IGFL4: variants seen among roughly 807,000 people sequenced by gnomAD.
IGFL4 encodes the protein insulin growth factor-like family member 4.
In IGFL4, 12 loss-of-function variants were observed where a neutral mutation model predicts 15.4. The ratio of observed to expected loss-of-function variants is 0.78; its 90% confidence interval spans 0.50 to 1.26. The LOEUF (loss-of-function observed/expected upper bound fraction) is 1.26, where lower values mean the gene tolerates loss of function less well. IGFL4 is among the 50% of genes most tolerant of loss of function. The probability of loss-of-function intolerance (pLI) is 0.00; values close to 1 mark genes in which losing one functional copy is unlikely to be tolerated. For missense variants in IGFL4, 126 were observed against 147.8 expected, an observed-to-expected ratio of 0.85 and a Z score of 0.76; for synonymous variants, 54 against 55.9, an observed-to-expected ratio of 0.97 and a Z score of 0.16.
Position 46,039,820 on chromosome 19 carries a change from CA to C in IGFL4, c.*71del. 7.5e-7 allele frequency: 1 copy of C among 1,335,580 alleles called. No homozygotes were observed. Among genetic ancestry groups the C allele is most frequent in the Admixed American group, 1.7e-5 (1 of 59,550 alleles). 82.7% of individuals were successfully genotyped at this position (1,335,580 alleles called of 1,614,324 possible). On this transcript the variant is annotated 3_prime_UTR_variant, in exon 4 of 4. Coordinates refer to ENST00000377697, the MANE Select transcript of IGFL4 (RefSeq NM_001002923.3). Reference sequence around the variant, plus strand: ...GAGTGAAACTCTGTCACAACAACAACAAAATCAATGCAGTATAATTACCAAG... The same window carrying C: ...GAGTGAAACTCTGTCACAACAACAACAAATCAATGCAGTATAATTACCAAG...
At chr19:46,055,417 A>G (rs909393525) in intron 2 of IGFL4, among the ~76,000 whole-genome samples, 1 of 152,110 alleles carries the variant, frequency 6.6e-6, no homozygotes, top group Non-Finnish European at 1.5e-5. Flanking sequence ...TTGATCTATC[A>G]TTGCATGTTT....
At chr19:46,073,274 C>G (rs1969563612) in intron 1 of IGFL4, among the ~76,000 whole-genome samples, 1 of 152,164 alleles carries the variant, frequency 6.6e-6, no homozygotes, top group Non-Finnish European at 1.5e-5. Flanking sequence ...AAAATACTAT[C>G]ATGATAGTGA....
At chr19:46,066,729 A>G (rs1007971405) in intron 1 of IGFL4, among the ~76,000 whole-genome samples, 1 of 152,084 alleles carries the variant, frequency 6.6e-6, no homozygotes, top group East Asian at 1.9e-4. Flanking sequence ...TCTTGCAAGA[A>G]CCCACTATTG....
At chr19:46,059,612 A>G (rs1411454383) in intron 2 of IGFL4, 3 of 152,200 alleles carry the variant, frequency 2.0e-5, no homozygotes, top group Non-Finnish European at 4.4e-5. Flanking sequence ...AGAATCTAAT[A>G]ACAGGTGTAC....
intron 1 of IGFL4, among the ~76,000 whole-genome samples, chr19:46,072,348 T>A (rs146723523): frequency 6.6e-6 from 1 of 152,272 alleles, no homozygotes; most frequent in African/African-American, 2.4e-5. Context: ...AGGTGTGGCA[T>A]CAGTGAAGAA....
intron 1 of IGFL4, among the ~76,000 whole-genome samples, chr19:46,075,809 A>G (rs1969590043): frequency 1.3e-5 from 2 of 152,080 alleles, no homozygotes. Context: ...CTGTATTTAT[A>G]TATATTACTT....
intron 1 of IGFL4, among the ~76,000 whole-genome samples, chr19:46,075,027 C>T (rs1349112443): frequency 6.6e-6 from 1 of 152,190 alleles, no homozygotes; most frequent in Non-Finnish European, 1.5e-5. Flanking sequence ...ATGGGAAGAA[C>T]AGAAAGAATT....
chr19:46,052,250 A>C (rs1969351670), intron 2 of IGFL4, among the ~76,000 whole-genome samples: 1 of 152,228 alleles, frequency 6.6e-6, no homozygotes, highest in African/African-American at 2.4e-5. Context: ...AACAGGTATA[A>C]TAGATCTCAA....
rs1449307343 is a variant in IGFL4, at chr19:46,040,121, C to A, written c.330+36G>T. On this transcript the variant is annotated intron_variant, in intron 3 of 3. Transcript: ENST00000377697. This position sits in a 1 kb window ranked among gnomAD's most constrained non-coding sequence, Gnocchi z 4.1. ...ACAACCAAGCTCCATTCCCTACTCC[C>A]CCCTCCCACAGCCTGGACTGGAGTC... 1.2e-6 allele frequency: 2 copies of A among 1,610,062 alleles called. No individual in the cohort carries two copies.
chr19:46,053,400 A>T (rs1024900465), intron 2 of IGFL4, among the ~76,000 whole-genome samples: 5 of 152,080 alleles, frequency 3.3e-5, no homozygotes, highest in African/African-American at 1.2e-4. Flanking sequence ...TTTTTAGTAG[A>T]GCCGGGGTTT....
intron 3 of IGFL4, 30 bp from the exon 4 acceptor site, chr19:46,039,966 A>G: frequency 6.3e-7 from 1 of 1,598,058 alleles, no homozygotes; most frequent in South Asian, 1.1e-5. Flanking sequence ...GGAGAGGGGA[A>G]TAAGAGGGAG....
At chr19:46,070,521 G>A (rs549378565) in intron 1 of IGFL4, among the ~76,000 whole-genome samples, 1 of 152,008 alleles carries the variant, frequency 6.6e-6, no homozygotes, top group South Asian at 2.1e-4. Context: ...TTTATTTCTG[G>A]TGGTGTTACT....
upstream of IGFL4, among the ~76,000 whole-genome samples, chr19:46,044,508 G>A (rs1442821102): frequency 6.6e-6 from 1 of 152,082 alleles, no homozygotes; most frequent in Non-Finnish European, 1.5e-5. Context: ...TCCTGGGGTG[G>A]GGGTGTCGTG....
intron 1 of IGFL4, among the ~76,000 whole-genome samples, chr19:46,068,551 G>A (rs930335229): frequency 6.6e-6 from 1 of 152,164 alleles, no homozygotes; most frequent in African/African-American, 2.4e-5. Flanking sequence ...AGGGGCTTGG[G>A]ATTCATTTTG....
In IGFL4 at chr19:46,040,213, C is replaced by T; in HGVS notation, c.274G>A (p.Val92Ile). The change falls in exon 3 of 4, where the codon GTC becomes ATC. Residue 92 changes from valine to isoleucine, a missense_variant. Physicochemically the swap from Val to Ile is conservative, Grantham distance 29 (BLOSUM62 3). Transcript: ENST00000377697. The surrounding 1 kb of genome is among the most constrained non-coding windows in gnomAD (Gnocchi z 4.1). ...SQNQTVVRFK[V>I]PGMKPDCKSS... ...TTGCAATCTGGCTTCATGCCTGGGA[C>T]CTTGAACCTCACAACTGTCTGGTTC... 1.9e-6 allele frequency: 3 copies of T among 1,614,146 alleles called. No homozygotes were observed. The highest frequency in any genetic ancestry group is 2.5e-6 in the Non-Finnish European group (3 of 1,180,032).
At chr19:46,049,631 G>A (rs1433263630) in intron 2 of IGFL4, among the ~76,000 whole-genome samples, 2 of 152,194 alleles carry the variant, frequency 1.3e-5, no homozygotes, top group Non-Finnish European at 2.9e-5. Flanking sequence ...CCGCCAAGGA[G>A]ATTCTGAGCT....
chr19:46,046,809 G>T (rs1239770296), intron 2 of IGFL4, among the ~76,000 whole-genome samples: 2 of 152,116 alleles, frequency 1.3e-5, no homozygotes, highest in African/African-American at 2.4e-5. Context: ...CAACAATAGT[G>T]GAATACTTTA....
upstream of IGFL4, among the ~76,000 whole-genome samples, chr19:46,041,490 G>C (rs1442604158): frequency 6.6e-6 from 1 of 152,070 alleles, no homozygotes; most frequent in Non-Finnish European, 1.5e-5. Flanking sequence ...TAATCTAGAA[G>C]AACAGCAGGG....
At chr19:46,057,193 A>T (rs1270910451) in intron 2 of IGFL4, among the ~76,000 whole-genome samples, 1 of 152,146 alleles carries the variant, frequency 6.6e-6, no homozygotes, top group African/African-American at 2.4e-5. Context: ...AGAAAATAAG[A>T]AATACTTCTT....
Sources: gnomAD v4.1 joint callset for allele counts (sites outside exome capture counted in the v4.1 genomes callset) on GRCh38, gnomAD v4.1.1 for gene constraint, Gnocchi (gnomAD v3.1) non-coding constraint, MANE v1.5 for transcripts, NCBI Gene and HGNC (gene_info 2026-07-23, HGNC 2026-07-21) for gene names.